LRP1B: variants seen among roughly 807,000 people sequenced by gnomAD.
The protein encoded by LRP1B is low-density lipoprotein receptor-related protein 1B.
Under a neutral mutation model 556.6 loss-of-function variants are expected in LRP1B, and 217 were observed. The ratio of observed to expected loss-of-function variants is 0.39; its 90% CI spans 0.35 to 0.44. LRP1B has a LOEUF of 0.44. Among genes scored for constraint, LRP1B ranks in the 20% least tolerant of loss-of-function variants. The pLI, the probability that LRP1B is intolerant of heterozygous loss-of-function variation, is 1.00. For missense variants in LRP1B, 5,053 were observed against 5,620.8 expected (o/e 0.90, Z 3.23); for synonymous variants, 2,047 against 1,865.8 (o/e 1.10, Z -2.50).
intron 10 of LRP1B, among the ~76,000 whole-genome samples, chr2:141,053,637 T>C (rs1296565682): frequency 6.6e-6 from 1 of 152,030 alleles, no homozygotes; most frequent in East Asian, 1.9e-4. Flanking sequence ...TCCAGGTTTT[T>C]AAATGATTTT....
chr2:141,608,011 G>A (rs1462577119), intron 2 of LRP1B, among the ~76,000 whole-genome samples: 2 of 152,100 alleles, frequency 1.3e-5, no homozygotes, highest in Non-Finnish European at 2.9e-5. Context: ...GATCACCTGA[G>A]GTAGGGAGTT....
rs1010780946 is a variant in LRP1B, at chr2:141,942,254, G to A, written c.83-131853C>T. Among the ~76,000 whole-genome samples, 7 of 152,164 alleles carry A rather than the reference G, an allele frequency of 4.6e-5. No homozygotes were observed. The East Asian group carries it at 1.2e-3, about 25-fold the overall frequency. On this transcript the variant is annotated intron_variant, in intron 1 of 90. Coordinates refer to ENST00000389484, the MANE Select transcript of LRP1B (RefSeq NM_018557.3). ...ATCTTTTCTCTTTTTAAAGAAGATTGACAGCTTCTTTAGGCACTGTTCTGC... is the reference window on the plus strand; with the variant it reads ...ATCTTTTCTCTTTTTAAAGAAGATTAACAGCTTCTTTAGGCACTGTTCTGC...
intron 1 of LRP1B, among the ~76,000 whole-genome samples, chr2:141,988,774 A>G (rs1702268356): frequency 6.6e-6 from 1 of 152,058 alleles, no homozygotes. Flanking sequence ...TTACCTAGGT[A>G]TATTAACATA....
At chr2:140,493,006 T>C (rs929093372) in intron 56 of LRP1B, among the ~76,000 whole-genome samples, 1 of 152,144 alleles carries the variant, frequency 6.6e-6, no homozygotes, top group Non-Finnish European at 1.5e-5. Context: ...TCTGCATGAA[T>C]TGCAGAAAAA....
chr2:140,775,466 G>GTTT (rs1689460973), intron 33 of LRP1B, among the ~76,000 whole-genome samples: 1 of 88,952 alleles, frequency 1.1e-5, no homozygotes, highest in African/African-American at 3.8e-5. Flanking sequence ...TTTTTTGGTT[G>GTTT]ATTTTTTTTT....
intron 1 of LRP1B, among the ~76,000 whole-genome samples, chr2:141,975,402 AAAGAC>A (rs1701857119): frequency 6.6e-6 from 1 of 152,042 alleles, no homozygotes; most frequent in South Asian, 2.1e-4. Context: ...TCCTTCATGG[AAAGAC>A]AAGACATTAC....
intron 18 of LRP1B, among the ~76,000 whole-genome samples, chr2:140,957,177 G>T (rs16845018): frequency 6.6e-6 from 1 of 151,456 alleles, no homozygotes; most frequent in Admixed American, 6.6e-5. Flanking sequence ...AACTAATCTC[G>T]GCTATTTATG....
chr2:141,303,833 C>T (rs1686485293), intron 3 of LRP1B, among the ~76,000 whole-genome samples: 1 of 152,128 alleles, frequency 6.6e-6, no homozygotes, highest in Non-Finnish European at 1.5e-5. Flanking sequence ...TTAAGCAAAT[C>T]TCCATACTGT....
At chr2:142,105,903 C>T (rs1706730545) in intron 1 of LRP1B, among the ~76,000 whole-genome samples, 3 of 151,924 alleles carry the variant, frequency 2.0e-5, no homozygotes, top group Admixed American at 6.6e-5. Context: ...ATCATTTAAC[C>T]CTGTTTTCTA....
Position 141,997,480 on chromosome 2 carries a change from CATTTTT to C in LRP1B, c.82+133162_82+133167del, listed in dbSNP as rs371383761. On this transcript the variant is annotated intron_variant, in intron 1 of 90. Coordinates refer to ENST00000389484, the MANE Select transcript of LRP1B (RefSeq NM_018557.3). ...ACACACACACACACACTGTAGAACACATTTTTATTTTTATTTTCTTGACACAGGGTA... is the reference window on the plus strand; with the variant it reads ...ACACACACACACACACTGTAGAACACATTTTTATTTTCTTGACACAGGGTA... 4.2e-5 allele frequency among the ~76,000 whole-genome samples: 6 copies of C among 141,538 alleles called. No homozygotes were observed. The East Asian group carries it at 8.6e-4, about 20-fold the overall frequency. The allele number at this position is 141,538 out of a possible 152,430, so 92.9% of individuals were successfully genotyped here.
At chr2:140,859,446 T>A (rs945256825) in intron 27 of LRP1B, among the ~76,000 whole-genome samples, 67 of 152,110 alleles carry the variant, frequency 4.4e-4, no homozygotes, top group African/African-American at 1.5e-3. Flanking sequence ...TTCTTATAGA[T>A]GTTGTCAAGA....
intron 11 of LRP1B, among the ~76,000 whole-genome samples, chr2:141,038,825 C>T (rs1698614601): frequency 6.6e-6 from 1 of 151,990 alleles, no homozygotes; most frequent in African/African-American, 2.4e-5. Context: ...TTCCATAATG[C>T]TAAGTATGAT....
At chr2:140,574,557 C>G (rs1681446247) in intron 43 of LRP1B, among the ~76,000 whole-genome samples, 1 of 152,118 alleles carries the variant, frequency 6.6e-6, no homozygotes. Context: ...CTCTCTTGTA[C>G]TAGACAGGTA....
At chr2:140,595,662 A>G (rs527976309) in intron 43 of LRP1B, among the ~76,000 whole-genome samples, 1 of 152,246 alleles carries the variant, frequency 6.6e-6, no homozygotes, top group African/African-American at 2.4e-5. Context: ...TTGTTTTTAC[A>G]ACTAAATTAA....
intron 66 of LRP1B, among the ~76,000 whole-genome samples, chr2:140,391,075 GAC>G (rs1334161567): frequency 6.6e-6 from 1 of 151,882 alleles, no homozygotes; most frequent in African/African-American, 2.4e-5. Context: ...ATTTGTATGA[GAC>G]ATGTTATTGC....
Position 141,096,637 on chromosome 2 carries a change from A to G in LRP1B, c.1014-34364T>C, listed in dbSNP as rs1296653906. 2.4e-4 allele frequency among the ~76,000 whole-genome samples: 16 copies of G among 67,094 alleles called. 1 individual carries two copies. The highest frequency in any genetic ancestry group is 3.9e-4 in the African/African-American group (7 of 18,164). The allele number at this position is 67,094 out of a possible 152,430, so 44.0% of individuals were successfully genotyped here. A position where few individuals can be genotyped will look rare whatever the true frequency, so the allele number is the denominator to read the frequency against. Reference sequence around the variant, plus strand: ...CAAAGACGGGGAGAGGGGGAGAGAGAGAGAGAGAGAGAGAGAGAGAGAGAG... The same window carrying G: ...CAAAGACGGGGAGAGGGGGAGAGAGGGAGAGAGAGAGAGAGAGAGAGAGAG... On this transcript the variant is annotated intron_variant, in intron 7 of 90. Transcript: ENST00000389484.
rs1282573535 is a variant in LRP1B, at chr2:140,941,594, T to C, written c.3136+8641A>G. ...TACCATCTACTGGATTGAGCCTGAA[T>C]TATCCCACAAAACAAAAACATACTG... On this transcript the variant is annotated intron_variant, in intron 20 of 90. Coordinates refer to ENST00000389484, the MANE Select transcript of LRP1B (RefSeq NM_018557.3). Among the ~76,000 whole-genome samples the C allele has an allele frequency of 2.0e-5, 3 of 152,130 alleles. No homozygotes were observed. In the East Asian group the frequency reaches 5.8e-4, roughly 29 times the overall value.
At chr2:140,402,207 A>C (rs1004129136) in intron 66 of LRP1B, among the ~76,000 whole-genome samples, 2 of 152,196 alleles carry the variant, frequency 1.3e-5, no homozygotes, top group African/African-American at 4.8e-5. Flanking sequence ...GGGACAAATG[A>C]ACCCAGATGG....
chr2:140,744,303 G>A (rs1688247635), intron 35 of LRP1B, among the ~76,000 whole-genome samples: 2 of 151,968 alleles, frequency 1.3e-5, no homozygotes, highest in African/African-American at 4.8e-5. Context: ...TTAAAAATGA[G>A]AAAATAATGG....
Sources: allele counts gnomAD v4.1 joint callset (sites outside exome capture counted in the v4.1 genomes callset), GRCh38; gene constraint gnomAD v4.1.1; transcripts MANE v1.5; gene names NCBI Gene and HGNC (gene_info 2026-07-23, HGNC 2026-07-21).